The following THSD4 variants were observed in gnomAD, a reference collection of about 807,000 sequenced individuals.
THSD4 encodes the protein thrombospondin type-1 domain-containing protein 4.
In THSD4, 69 loss-of-function variants were observed where a neutral mutation model predicts 119.0. The observed-to-expected ratio is 0.58, with a 90% CI of 0.48 to 0.71. The LOEUF is 0.71. Among genes scored for constraint, THSD4 ranks in the 30% least tolerant of loss-of-function variants. The probability of loss-of-function intolerance (pLI) is 0.00; values close to 1 mark genes in which losing one functional copy is unlikely to be tolerated. For synonymous variants in THSD4, 524 were observed against 540.4 expected (o/e 0.97, Z 0.42); for missense variants, 1,393 against 1,391.1 (o/e 1.00, Z -0.02).
chr15:71,369,463 C>T (rs925675304), intron 6 of THSD4, among the ~76,000 whole-genome samples: 1 of 152,112 alleles, frequency 6.6e-6, no homozygotes, highest in African/African-American at 2.4e-5. Context: ...CCCATCAATA[C>T]CGAATTTATT....
intron 14 of THSD4, 125 bp downstream of exon 14, chr15:71,748,719 GC>G: frequency 8.2e-7 from 1 of 1,225,554 alleles, no homozygotes. Context: ...GAAAAAAAAG[GC>G]CCAGAGAGGA....
intron 7 of THSD4, among the ~76,000 whole-genome samples, chr15:71,577,577 C>T (rs1253862081): frequency 6.6e-6 from 1 of 152,076 alleles, no homozygotes. Flanking sequence ...GAAGTACATA[C>T]TATGAAATTA....
chr15:71,520,678 A>G (rs1209817301), intron 7 of THSD4, among the ~76,000 whole-genome samples: 1 of 152,232 alleles, frequency 6.6e-6, no homozygotes, highest in African/African-American at 2.4e-5. Context: ...CTTGACATAT[A>G]GTATTCCTTC....
chr15:71,301,785 A>G (rs2044953374), intron 6 of THSD4, among the ~76,000 whole-genome samples: 2 of 152,208 alleles, frequency 1.3e-5, no homozygotes, highest in Non-Finnish European at 2.9e-5. Flanking sequence ...GCTTAGTTAT[A>G]CTTATATCCT....
Position 71,555,244 on chromosome 15 carries a change from T to C in THSD4, c.1153-105286T>C, listed in dbSNP as rs143321091. On this transcript the variant is annotated intron_variant, in intron 7 of 17. Coordinates refer to ENST00000261862, the MANE Select transcript of THSD4 (RefSeq NM_024817.3). ...AATGTCAGATTGCTTTCCACAGCAG[T>C]TGTATTAGTTTTCATTTCCACTAGT... is the stretch of plus-strand genomic sequence containing the variant. Among the ~76,000 whole-genome samples the C allele has an allele frequency of 5.4e-3, 828 of 152,276 alleles. 5 individuals are homozygous for C. Among genetic ancestry groups the C allele is most frequent in the African/African-American group, 0.019 (790 of 41,554 alleles).
At chr15:71,373,062 G>A (rs918846659) in intron 6 of THSD4, among the ~76,000 whole-genome samples, 5 of 152,194 alleles carry the variant, frequency 3.3e-5, no homozygotes, top group Non-Finnish European at 5.9e-5. Flanking sequence ...GAAGAAAATC[G>A]AGAGATTCTA....
At chr15:71,510,915 A>G (rs79966764) in intron 7 of THSD4, among the ~76,000 whole-genome samples, 1 of 103,704 alleles carries the variant, frequency 9.6e-6, no homozygotes, top group Non-Finnish European at 2.1e-5. Context: ...GGGTGAGCTC[A>G]CGTTTGGCGG....
chr15:71,143,805 A>C (rs2040630494), intron 2 of THSD4, among the ~76,000 whole-genome samples: 5 of 148,448 alleles, frequency 3.4e-5, no homozygotes. Context: ...TTCTGGGCTC[A>C]AGCGATCCTC....
chr15:71,352,100 T>C lies in THSD4; in HGVS notation c.1016-59587T>C, dbSNP rs570802502. Among the ~76,000 whole-genome samples the C allele has an allele frequency of 4.6e-5, 7 of 152,320 alleles. No homozygotes were observed. The East Asian group carries it at 1.2e-3, about 25-fold the overall frequency. ...TTAAACAAAAGAAAAGACTGCCATG[T>C]CCATTTATTTTTGGCAGATTCGTGA... On this transcript the variant is annotated intron_variant, in intron 6 of 17. Coordinates refer to ENST00000261862, the MANE Select transcript of THSD4 (RefSeq NM_024817.3).
At chr15:71,284,674 A>C (rs1188401248) in intron 6 of THSD4, among the ~76,000 whole-genome samples, 2 of 151,648 alleles carry the variant, frequency 1.3e-5, no homozygotes, top group African/African-American at 2.4e-5. Context: ...TTCATGAAAA[A>C]CTCTCAAACC....
intron 6 of THSD4, among the ~76,000 whole-genome samples, chr15:71,258,225 C>G (rs1196927782): frequency 6.6e-6 from 1 of 152,184 alleles, no homozygotes; most frequent in Non-Finnish European, 1.5e-5. Context: ...ATTGCCCAGG[C>G]TGGAGTGCGG....
At chr15:71,131,334 A>G (rs1307795840) in intron 1 of THSD4, among the ~76,000 whole-genome samples, 1 of 152,056 alleles carries the variant, frequency 6.6e-6, no homozygotes, top group African/African-American at 2.4e-5. Context: ...ATGAAAAGCA[A>G]ACGAAAACAA....
chr15:71,301,733 T>C lies in THSD4; in HGVS notation c.1015+45018T>C, dbSNP rs184778871. On this transcript the variant is annotated intron_variant, in intron 6 of 17. Transcript: ENST00000261862. ...TACCTGGAGACCTCCTCCGGTAATA[T>C]GAGATTTGAGTTACAATGCAGAGTT... Among the ~76,000 whole-genome samples the C allele has an allele frequency of 5.5e-3, 832 of 152,260 alleles. 28 individuals are homozygous for C. The highest frequency in any genetic ancestry group is 0.049 in the Admixed American group (754 of 15,294).
At chr15:71,563,441 G>A (rs908987463) in intron 7 of THSD4, among the ~76,000 whole-genome samples, 8 of 152,144 alleles carry the variant, frequency 5.3e-5, no homozygotes, top group Non-Finnish European at 1.0e-4. Flanking sequence ...TAAGAACTAC[G>A]TGTAAGCACT....
intron 6 of THSD4, among the ~76,000 whole-genome samples, chr15:71,275,365 GCA>G: frequency 6.6e-6 from 1 of 152,298 alleles, no homozygotes; most frequent in South Asian, 2.1e-4. Context: ...ATCTCTTGTA[GCA>G]CAGTTCTCTC....
At chr15:71,776,217 A>G (rs1424502166) in intron 17 of THSD4, among the ~76,000 whole-genome samples, 1 of 152,254 alleles carries the variant, frequency 6.6e-6, no homozygotes, top group Non-Finnish European at 1.5e-5. Context: ...AAAACATATT[A>G]TAATATCAAT....
chr15:71,248,291 A>G (rs2044224606), intron 5 of THSD4, among the ~76,000 whole-genome samples: 2 of 152,180 alleles, frequency 1.3e-5, no homozygotes, highest in African/African-American at 4.8e-5. Flanking sequence ...TAAAACAACA[A>G]CAACAACAAA....
At chr15:71,412,790 A>G (rs1435752912) in intron 7 of THSD4, among the ~76,000 whole-genome samples, 1 of 152,216 alleles carries the variant, frequency 6.6e-6, no homozygotes, top group Non-Finnish European at 1.5e-5. Context: ...GCAAAATAAC[A>G]TAAAGCAGGA....
chr15:71,742,872 C>T (rs578255422), intron 11 of THSD4, among the ~76,000 whole-genome samples: 14 of 152,114 alleles, frequency 9.2e-5, no homozygotes, highest in Admixed American at 7.2e-4. Context: ...CTGGACAACA[C>T]GGCAAAACCC....
Sources: gnomAD v4.1 joint callset for allele counts (sites outside exome capture counted in the v4.1 genomes callset) on GRCh38, gnomAD v4.1.1 for gene constraint, MANE v1.5 for transcripts, NCBI Gene and HGNC (gene_info 2026-07-23, HGNC 2026-07-21) for gene names.